L2HGDH: variants seen among roughly 807,000 people sequenced by gnomAD.
L2HGDH encodes L-2-hydroxyglutarate dehydrogenase, mitochondrial.
L2HGDH carries 34 observed loss-of-function variants against 51.5 expected under a neutral mutation model. That is an observed-to-expected ratio of 0.66 (90% confidence interval 0.50 to 0.88). The LOEUF (loss-of-function observed/expected upper bound fraction) is 0.88. Ranked by LOEUF, L2HGDH falls within the 40% of genes least tolerant of loss-of-function variation. The pLI is 0.00. For synonymous variants in L2HGDH, 198 were observed against 197.9 expected (o/e 1.00, Z -0.01); for missense variants, 558 against 571.9 (o/e 0.98, Z 0.25).
At chr14:50,299,694 A>G (rs2030289673) in intron 3 of L2HGDH, among the ~76,000 whole-genome samples, 1 of 152,240 alleles carries the variant, frequency 6.6e-6, no homozygotes, top group South Asian at 2.1e-4. Flanking sequence ...AAGGTGACAC[A>G]TCATATCAAC....
intron 1 of L2HGDH, among the ~76,000 whole-genome samples, chr14:50,308,328 G>A (rs547368559): frequency 7.9e-5 from 12 of 151,890 alleles, no homozygotes; most frequent in South Asian, 4.1e-4. Context: ...AGGCCTCTGC[G>A]GTGAGCCGAG....
rs1887873437 is a variant in L2HGDH, at chr14:50,243,418, A to T, written c.*3640T>A. The T allele has an allele frequency of 2.1e-6, 2 of 968,866 alleles. No individual in the cohort carries two copies. Among genetic ancestry groups the T allele is most frequent in the African/African-American group, 1.8e-5 (1 of 56,846 alleles). 60.0% of individuals were successfully genotyped at this position (968,866 alleles called of 1,614,324 possible). On this transcript the variant is annotated 3_prime_UTR_variant, in exon 10 of 10. Transcript: ENST00000267436. ...AGCAAACAGTTTATGTTTTACACAT[A>T]AAAAAATTTATTTGCATAAAAGTTT...
chr14:50,250,370 AAGGTGGTGGTAGCCAC>A (rs1229387530), intron 9 of L2HGDH, among the ~76,000 whole-genome samples: 1 of 152,222 alleles, frequency 6.6e-6, no homozygotes, highest in African/African-American at 2.4e-5. Context: ...CTGTGGACCA[AAGGTGGTGGTAGCCAC>A]AGGGAGTGGC....
intron 9 of L2HGDH, among the ~76,000 whole-genome samples, chr14:50,258,897 A>C (rs1292396548): frequency 6.6e-6 from 1 of 151,594 alleles, no homozygotes; most frequent in Non-Finnish European, 1.5e-5. Context: ...ACTGGAGTGC[A>C]GTGGTGTTAT....
Position 50,307,799 on chromosome 14 carries a change from C to T in L2HGDH, c.140+4212G>A, listed in dbSNP as rs1424928669. On this transcript the variant is annotated intron_variant, in intron 1 of 9. Coordinates refer to ENST00000267436, the MANE Select transcript of L2HGDH (RefSeq NM_024884.3). ...TATTTCTAAAAGGCATCTCTAAAAA[C>T]ACACACTACCATTATAGTTAAAAAA... 2.6e-5 allele frequency among the ~76,000 whole-genome samples: 4 copies of T among 152,068 alleles called. No homozygotes were observed. The East Asian group carries it at 7.7e-4, about 29-fold the overall frequency.
intron 1 of L2HGDH, chr14:50,311,448 G>A (rs899118481): frequency 2.2e-6 from 1 of 455,962 alleles, no homozygotes; most frequent in African/African-American, 2.0e-5. Flanking sequence ...AGAGGACAGA[G>A]AAAGACAATG....
intron 5 of L2HGDH, among the ~76,000 whole-genome samples, chr14:50,281,219 C>T (rs890365744): frequency 2.0e-5 from 3 of 152,124 alleles, no homozygotes; most frequent in African/African-American, 7.2e-5. Flanking sequence ...GACTAATTTA[C>T]ATGTTGATAT....
intron 4 of L2HGDH, among the ~76,000 whole-genome samples, chr14:50,291,056 G>A (rs1333271914): frequency 2.0e-5 from 3 of 151,402 alleles, no homozygotes; most frequent in East Asian, 2.0e-4. Flanking sequence ...AAATTAGCCA[G>A]GCATGGTGAC....
chr14:50,248,762 T>C (rs1888158651), intron 9 of L2HGDH, among the ~76,000 whole-genome samples: 1 of 152,158 alleles, frequency 6.6e-6, no homozygotes, highest in Non-Finnish European at 1.5e-5. Flanking sequence ...AAAAGAAGCC[T>C]ACAAACATTG....
At chr14:50,258,039 T>C (rs2139949111) in intron 9 of L2HGDH, among the ~76,000 whole-genome samples, 1 of 148,816 alleles carries the variant, frequency 6.7e-6, no homozygotes, top group East Asian at 2.0e-4. Flanking sequence ...GAGCACTTTT[T>C]TTTAAATGGA....
At position 50,269,160 on chromosome 14, in the gene L2HGDH, T is replaced by C. The variant is rs369529909; in HGVS notation, c.906+3A>G. The C allele has an allele frequency of 6.8e-7, 1 of 1,466,996 alleles. No homozygotes were observed. The highest frequency in any genetic ancestry group is 9.2e-7 in the Non-Finnish European group (1 of 1,082,840). The allele number at this position is 1,466,996 out of a possible 1,614,324, so 90.9% of individuals were successfully genotyped here. ...ATGAGAAGTAGGAAGCATCATTACC[T>C]ACCGGATAAATATTTCCTTTTACAA... is the stretch of plus-strand genomic sequence containing the variant. On this transcript the variant is annotated splice_donor_region_variant and intron_variant, in intron 7 of 9. Transcript: ENST00000267436.
chr14:50,245,657 C>T lies in L2HGDH; in HGVS notation c.*1401G>A. ...CTCTTCAAAATTAAAAGAATGTAAC[C>T]TACAATATAATGTATTTTCTTGTCT... is the stretch of plus-strand genomic sequence containing the variant. On this transcript the variant is annotated 3_prime_UTR_variant, in exon 10 of 10. Transcript: ENST00000267436. 2 of 982,084 alleles carry T rather than the reference C, an allele frequency of 2.0e-6. No homozygotes were observed. Among genetic ancestry groups the T allele is most frequent in the Middle Eastern group, 1.0e-3 (2 of 1,908 alleles). The allele number at this position is 982,084 out of a possible 1,614,324, so 60.8% of individuals were successfully genotyped here.
intron 6 of L2HGDH, among the ~76,000 whole-genome samples, chr14:50,270,722 G>A (rs1200894364): frequency 6.6e-6 from 1 of 152,040 alleles, no homozygotes; most frequent in Non-Finnish European, 1.5e-5. Flanking sequence ...TAGCCAGGAT[G>A]GTCTCGATCT....
chr14:50,264,239 G>A (rs889763154), intron 9 of L2HGDH, among the ~76,000 whole-genome samples: 7 of 151,998 alleles, frequency 4.6e-5, no homozygotes, highest in Admixed American at 1.3e-4. Context: ...TTAGCCGGGC[G>A]TGGTGGCACA....
intron 9 of L2HGDH, among the ~76,000 whole-genome samples, chr14:50,256,473 C>T (rs1371557257): frequency 1.3e-5 from 2 of 150,654 alleles, no homozygotes; most frequent in African/African-American, 4.9e-5. Flanking sequence ...GATCACATCA[C>T]TGCACTCCAT....
At chr14:50,280,608 C>G (rs1890214796) in intron 5 of L2HGDH, among the ~76,000 whole-genome samples, 1 of 152,158 alleles carries the variant, frequency 6.6e-6, no homozygotes, top group Admixed American at 6.5e-5. Flanking sequence ...AATAGTTATA[C>G]CGGTAAGCTG....
chr14:50,281,864 G>A (rs972091646), intron 5 of L2HGDH, among the ~76,000 whole-genome samples: 2 of 151,928 alleles, frequency 1.3e-5, no homozygotes, highest in African/African-American at 2.4e-5. Context: ...TGTGTGTGAC[G>A]GAGTCTCGCT....
chr14:50,293,969 G>A, intron 4 of L2HGDH, 146 bp downstream of exon 4: 1 of 925,324 alleles, frequency 1.1e-6, no homozygotes. Context: ...TTGTGACAAT[G>A]CCCTCTTGTG....
intron 5 of L2HGDH, among the ~76,000 whole-genome samples, chr14:50,281,663 C>A (rs1890279258): frequency 6.6e-6 from 1 of 152,082 alleles, no homozygotes; most frequent in African/African-American, 2.4e-5. Context: ...TTTATAGGAA[C>A]TTTCAAAATT....
Sources: allele counts gnomAD v4.1 joint callset (sites outside exome capture counted in the v4.1 genomes callset), GRCh38; gene constraint gnomAD v4.1.1; transcripts MANE v1.5; gene names NCBI Gene and HGNC (gene_info 2026-07-23, HGNC 2026-07-21).